ZNG1B: variants seen among roughly 807,000 people sequenced by gnomAD.
ZNG1B encodes Zn regulated GTPase metalloprotein activator 1B, also known as zinc-regulated GTPase metalloprotein activator 1B.
At chr2:113,462,353 T>C in the ZNG1B span, 1 of 1,516,048 alleles carries the variant, frequency 6.6e-7, no homozygotes, top group Admixed American at 1.8e-5. Context: ...TGTATTAATC[T>C]GCATGCGTGT....
At chr2:113,454,701 T>G in the ZNG1B span, 5 of 1,563,428 alleles carry the variant, frequency 3.2e-6, no homozygotes, top group Non-Finnish European at 4.4e-6. Flanking sequence ...TTAATAAACA[T>G]TCTTTTTAAA....
the ZNG1B span, among the ~76,000 whole-genome samples, chr2:113,488,202 C>T: frequency 6.6e-6 from 1 of 152,194 alleles, no homozygotes; most frequent in East Asian, 1.9e-4. Flanking sequence ...TCTGTGCAGA[C>T]TACCCCCCAG....
At chr2:113,448,680 A>C in the ZNG1B span, among the ~76,000 whole-genome samples, 4 of 152,294 alleles carry the variant, frequency 2.6e-5, no homozygotes, top group Admixed American at 6.5e-5. Context: ...CGAGGTGGGC[A>C]GATAACGAGT....
chr2:113,487,984 C>T, the ZNG1B span, among the ~76,000 whole-genome samples: 21 of 152,078 alleles, frequency 1.4e-4, no homozygotes, highest in African/African-American at 5.1e-4. Context: ...GAGCCCAACA[C>T]ATCACCTGTT....
chr2:113,486,608 T>C, the ZNG1B span, among the ~76,000 whole-genome samples: 1 of 151,978 alleles, frequency 6.6e-6, no homozygotes, highest in East Asian at 1.9e-4. Flanking sequence ...TACAAAAAAT[T>C]AGCCAGGCAT....
chr2:113,445,074 A>T, the ZNG1B span: 1 of 1,576,228 alleles, frequency 6.3e-7, no homozygotes, highest in East Asian at 2.2e-5. Flanking sequence ...TGAGGTTGTT[A>T]ATAACCAGAA....
chr2:113,458,405 A>C, the ZNG1B span, among the ~76,000 whole-genome samples: 318 of 152,134 alleles, frequency 2.1e-3, 8 homozygotes, highest in Admixed American at 0.015. Context: ...GAGGACATTT[A>C]TCTCTTCTGC....
the ZNG1B span, chr2:113,444,925 T>C: frequency 1.2e-6 from 2 of 1,606,568 alleles, no homozygotes; most frequent in Non-Finnish European, 1.7e-6. Flanking sequence ...TCAAAATATT[T>C]AGGTAATTAA....
chr2:113,453,152 T>G, the ZNG1B span: 1 of 1,591,616 alleles, frequency 6.3e-7, no homozygotes, highest in South Asian at 1.2e-5. Flanking sequence ...CAGTGGCTTC[T>G]ATGTTTTGGG....
the ZNG1B span, among the ~76,000 whole-genome samples, chr2:113,456,409 C>T: frequency 6.7e-6 from 1 of 149,794 alleles, no homozygotes; most frequent in South Asian, 2.1e-4. Context: ...AAATTTATTA[C>T]AAAATTTGAT....
chr2:113,460,273 C>T, the ZNG1B span, among the ~76,000 whole-genome samples: 3 of 151,400 alleles, frequency 2.0e-5, no homozygotes, highest in Non-Finnish European at 4.4e-5. Flanking sequence ...CAGTGGTTAT[C>T]CTTTTTTAAA....
At chr2:113,446,435 A>G in the ZNG1B span, among the ~76,000 whole-genome samples, 37 of 152,356 alleles carry the variant, frequency 2.4e-4, no homozygotes, top group Admixed American at 4.6e-4. Context: ...TTGAAAAGTA[A>G]TCATCTCACT....
chr2:113,481,425 TC>T, the ZNG1B span: 1 of 152,066 alleles, frequency 6.6e-6, no homozygotes, highest in Admixed American at 6.6e-5. Flanking sequence ...CTCCAATAGT[TC>T]CTACAAGTTC....
chr2:113,476,227 C>A, the ZNG1B span, among the ~76,000 whole-genome samples: 3 of 152,122 alleles, frequency 2.0e-5, no homozygotes, highest in Non-Finnish European at 4.4e-5. Context: ...CTTCTTGCTT[C>A]ATTTCATTCA....
chr2:113,450,930 C>G, the ZNG1B span, among the ~76,000 whole-genome samples: 1 of 147,052 alleles, frequency 6.8e-6, no homozygotes, highest in Non-Finnish European at 1.5e-5. Context: ...CTTTTAGGCT[C>G]TGCTCTCTTG....
At chr2:113,448,802 G>T in the ZNG1B span, among the ~76,000 whole-genome samples, 10 of 151,768 alleles carry the variant, frequency 6.6e-5, no homozygotes, top group Admixed American at 4.6e-4. Flanking sequence ...TACTTGGGAG[G>T]CTGAGGCGGG....
chr2:113,477,162 T>C, the ZNG1B span, among the ~76,000 whole-genome samples: 1 of 152,160 alleles, frequency 6.6e-6, no homozygotes, highest in Non-Finnish European at 1.5e-5. Flanking sequence ...GTGCTAGCAA[T>C]CAGCGAGACT....
At chr2:113,484,350 TAGAGAGG>T in the ZNG1B span, among the ~76,000 whole-genome samples, 1 of 149,462 alleles carries the variant, frequency 6.7e-6, no homozygotes, top group African/African-American at 2.5e-5. Context: ...CCTCTGTGTA[TAGAGAGG>T]GCACCTCTTA....
At chr2:113,474,782 C>T in the ZNG1B span, among the ~76,000 whole-genome samples, 1 of 152,074 alleles carries the variant, frequency 6.6e-6, no homozygotes, top group Non-Finnish European at 1.5e-5. Flanking sequence ...GTTCGGTTTC[C>T]ATGTAGTTGA....
Sources: gnomAD v4.1 joint callset for allele counts (sites outside exome capture counted in the v4.1 genomes callset) on GRCh38, gnomAD v4.1.1 for gene constraint, MANE v1.5 for transcripts, NCBI Gene and HGNC (gene_info 2026-07-23, HGNC 2026-07-21) for gene names.